IDH3B: variants seen among roughly 807,000 people sequenced by gnomAD.
The protein encoded by IDH3B is isocitrate dehydrogenase [NAD] subunit beta, mitochondrial.
A neutral mutation model predicts 47.5 loss-of-function variants in IDH3B; 40 were observed. The observed-to-expected ratio is 0.84, with a 90% CI of 0.65 to 1.10. The LOEUF (loss-of-function observed/expected upper bound fraction) is 1.10. Ranked by LOEUF, IDH3B falls within the 50% of genes least tolerant of loss-of-function variation. IDH3B has a pLI of 0.00. For synonymous variants in IDH3B, 185 were observed against 191.0 expected, an observed-to-expected ratio of 0.97 and a Z score of 0.26; for missense variants, 450 against 505.2, an observed-to-expected ratio of 0.89 and a Z score of 1.05.
intron 4 of IDH3B, among the ~76,000 whole-genome samples, 167 bp from the exon 5 acceptor site, chr20:2,661,136 TA>T (rs563159181): frequency 3.9e-4 from 59 of 152,134 alleles, no homozygotes; most frequent in African/African-American, 1.4e-3. Flanking sequence ...CAAAAGAGAA[TA>T]ATGTAGTTAA....
rs893774369 is a variant in IDH3B, at chr20:2,659,293, G to C, written c.1071+232C>G. ...AAAGGGCAGTGGATGGAGCAGGAAA[G>C]AGGGAACAGCAGATGGGATCTAAGA... On this transcript the variant is annotated intron_variant, in intron 11 of 11. Transcript: ENST00000380843. 7 of 1,478,990 alleles carry C rather than the reference G, an allele frequency of 4.7e-6. No homozygotes were observed. The African/African-American group carries it at 7.1e-5, about 15-fold the overall frequency. 91.6% of individuals were successfully genotyped at this position (1,478,990 alleles called of 1,614,324 possible).
rs753364431 is a variant in IDH3B at position 2,658,507 on chromosome 20, T to C, written c.*244A>G. ...TCATGGCAAGTAGCATAGCCACCCA[T>C]GTCAGAGGTTCGAACCTGTGGGGGA... is the stretch of plus-strand genomic sequence containing the variant. On this transcript the variant is annotated 3_prime_UTR_variant, in exon 12 of 12. Transcript: ENST00000380843. 7.4e-6 allele frequency: 12 copies of C among 1,613,830 alleles called. No individual in the cohort carries two copies. In the Middle Eastern group the frequency reaches 6.6e-4, roughly 88 times the overall value.
rs1272972666 is a variant in IDH3B, at chr20:2,660,943, T to C, written c.364A>G (p.Lys122Glu). ...ATATCATAGGAGGCTAGCTCCCCCT[T>C]ATACTCCATCGGGGTATGAATCTTT... ...IGKIHTPMEY[K>E]GELASYDMRL... is the part of the protein sequence containing the mutation. The change falls in exon 5 of 12, where the codon AAG (lysine) becomes GAG (glutamate). Residue 122 changes from lysine (K) to glutamate (E), a missense_variant. Physicochemically the swap from Lys to Glu is moderately conservative, Grantham distance 56. Transcript: ENST00000380843. The surrounding 1 kb of genome is among the most constrained non-coding windows in gnomAD (Gnocchi z 5.6). 1.9e-6 allele frequency: 3 copies of C among 1,614,054 alleles called. No individual in the cohort carries two copies. Among genetic ancestry groups the C allele is most frequent in the Non-Finnish European group, 2.5e-6 (3 of 1,179,990 alleles).
chr20:2,660,626 G>A lies in IDH3B; in HGVS notation c.532-36C>T, dbSNP rs368790817. ...AGAAAGCAGCAGCTAGGTGACACTG[G>A]GAAGGGAAACAAGGAGCTCCACCTC... On this transcript the variant is annotated intron_variant, in intron 6 of 11. Transcript: ENST00000380843. The surrounding 1 kb of genome is among the most constrained non-coding windows in gnomAD (Gnocchi z 5.6). 61 of 1,614,048 alleles carry A rather than the reference G, an allele frequency of 3.8e-5. No homozygotes were observed. Among genetic ancestry groups the A allele is most frequent in the Non-Finnish European group, 5.1e-5 (60 of 1,180,006 alleles).
chr20:2,658,829 A>C lies in IDH3B; in HGVS notation c.1080T>G (p.Thr360=), dbSNP rs2146303920. ...TGGTGCTGTAGCCGCCCATGTCTCG[A>C]GTCCGCACCTACAGCCACCACCGGC... is the stretch of plus-strand genomic sequence containing the variant. The part of the protein sequence containing the change: ...KKVIKVGKVR[T]RDMGGYSTTT... Residue 360 remains threonine (T), a synonymous_variant, in exon 12 of 12, where the codon ACT becomes ACG. Coordinates refer to ENST00000380843, the MANE Select transcript of IDH3B (RefSeq NM_006899.5). 1 of 1,614,076 alleles carries C rather than the reference A, an allele frequency of 6.2e-7. No homozygotes were observed. Among genetic ancestry groups the C allele is most frequent in the African/African-American group, 1.3e-5 (1 of 75,000 alleles).
intron 4 of IDH3B, among the ~76,000 whole-genome samples, chr20:2,662,807 G>T (rs963111046): frequency 6.6e-6 from 1 of 152,174 alleles, no homozygotes; most frequent in Non-Finnish European, 1.5e-5. Context: ...ACAAAAATTA[G>T]CCAGGCATGG....
chr20:2,659,699 T>C lies in IDH3B; in HGVS notation c.1010A>G (p.Asn337Ser). 1 of 1,613,972 alleles carries C rather than the reference T, an allele frequency of 6.2e-7. No homozygotes were observed. The highest frequency in any genetic ancestry group is 8.5e-7 in the Non-Finnish European group (1 of 1,179,862). ...LSASNMLRHLNLEYHSSMIAD... is the reference protein window; with the variant it reads ...LSASNMLRHLSLEYHSSMIAD... ...CTGCCGACAGCCTCCCATGACCTAC[T>C]TAAGATGCCGCAGCATGTTGGAAGC... Residue 337 changes from asparagine to serine, a missense_variant and splice_region_variant, in exon 10 of 12, where the codon AAT (asparagine) becomes AGT (serine). Physicochemically the swap from Asn to Ser is conservative, Grantham distance 46. Coordinates refer to ENST00000380843, the MANE Select transcript of IDH3B (RefSeq NM_006899.5).
chr20:2,659,321 C>T (rs1011585817), intron 11 of IDH3B: 54 of 1,535,644 alleles, frequency 3.5e-5, no homozygotes, highest in Non-Finnish European at 4.5e-5. Flanking sequence ...ATCTAAGAGG[C>T]AAAAGAGATC....
rs2086932048 is a variant in IDH3B at position 2,660,796 on chromosome 20, A to G, written c.432T>C (p.His144=). ...RKLDLFANVV[H]VKSLPGYMTR... is the part of the protein sequence containing the mutation. ...TCATATACCCAGGAAGTGACTTCAC[A>G]TGGACTACGTTGGCAAATAAGTCCA... The change falls in exon 6 of 12, where the codon CAT becomes CAC. Residue 144 remains histidine (H), a synonymous_variant. Transcript: ENST00000380843. This position sits in a 1 kb window ranked among gnomAD's most constrained non-coding sequence, Gnocchi z 5.6. 1 of 1,614,042 alleles carries G rather than the reference A, an allele frequency of 6.2e-7. No homozygotes were observed.
chr20:2,663,715 A>G lies in IDH3B; in HGVS notation c.161T>C (p.Leu54Pro), dbSNP rs886056572. The change falls in exon 3 of 12, where the codon CTT becomes CCT. Residue 54 changes from leucine to proline, a missense_variant. By Grantham distance (98) the Leu-to-Pro change is moderately conservative (BLOSUM62 -3). Coordinates refer to ENST00000380843, the MANE Select transcript of IDH3B (RefSeq NM_006899.5). ...RVEGSFPVTM[L>P]PGDGVGPELM... is the part of the protein sequence containing the mutation. Reference sequence around the variant, plus strand: ...CTCAGGCCCCACACCGTCTCCCGGAAGCATGGTCACGGGAAAGGAGCCCTC... The same window carrying G: ...CTCAGGCCCCACACCGTCTCCCGGAGGCATGGTCACGGGAAAGGAGCCCTC... The G allele has an allele frequency of 1.7e-5, 27 of 1,614,208 alleles. No homozygotes were observed. The highest frequency in any genetic ancestry group is 2.3e-5 in the Non-Finnish European group (27 of 1,180,032).
Position 2,660,923 on chromosome 20 carries a change from A to C in IDH3B, c.384T>G (p.Tyr128Ter). 1 of 1,614,134 alleles carries C rather than the reference A, an allele frequency of 6.2e-7. No individual in the cohort carries two copies. Among genetic ancestry groups the C allele is most frequent in the East Asian group, 2.2e-5 (1 of 44,878 alleles). Reference sequence around the variant, plus strand: ...AGACCACCTACCTCAGCCGCATATCATAGGAGGCTAGCTCCCCCTTATACT... The same window carrying C: ...AGACCACCTACCTCAGCCGCATATCCTAGGAGGCTAGCTCCCCCTTATACT... Reference protein sequence around the residue: ...PMEYKGELASYDMRLRRKLDL... With the variant: ...PMEYKGELAS The change falls in exon 5 of 12, where the codon TAT (tyrosine) becomes TAG (stop). Residue 128 changes from tyrosine (Y) to a stop codon, truncating the protein, a stop_gained. Transcript: ENST00000380843. LOFTEE classifies it high-confidence loss of function. This position sits in a 1 kb window ranked among gnomAD's most constrained non-coding sequence, Gnocchi z 5.6.
rs537394446 is a variant in IDH3B, at chr20:2,660,893, C to G, written c.398+16G>C. 7 of 1,614,174 alleles carry G rather than the reference C, an allele frequency of 4.3e-6. 1 individual carries two copies. The East Asian group carries it at 8.9e-5, about 21-fold the overall frequency. ...CCTGGCACCTCTCAACCATTCACCC[C>G]ACCCAGACCACCTACCTCAGCCGCA... On this transcript the variant is annotated intron_variant, in intron 5 of 11. Transcript: ENST00000380843. This position sits in a 1 kb window ranked among gnomAD's most constrained non-coding sequence, Gnocchi z 5.6.
chr20:2,663,414 C>T, intron 4 of IDH3B, 32 bp downstream of exon 4: 1 of 1,613,530 alleles, frequency 6.2e-7, no homozygotes, highest in African/African-American at 1.3e-5. Flanking sequence ...TTTTAAATGG[C>T]ACATGGACAA....
intron 11 of IDH3B, chr20:2,659,301 A>G (rs1483666189): frequency 6.7e-7 from 1 of 1,491,774 alleles, no homozygotes; most frequent in East Asian, 2.4e-5. Flanking sequence ...AAGAGGGAAC[A>G]GCAGATGGGA....
At position 2,658,424 on chromosome 20, in the gene IDH3B, CATGGGTATGGACAGGGCCT is replaced by C; in HGVS notation, c.*308_*326del. On this transcript the variant is annotated 3_prime_UTR_variant, in exon 12 of 12. Transcript: ENST00000380843. ...TTCATGTTCTTTATTGAACACCTTA[CATGGGTATGGACAGGGCCT>C]ATGGGTGGGGCAAGGCAGCAATGAC... The C allele has an allele frequency of 6.2e-7, 1 of 1,613,968 alleles. No individual in the cohort carries two copies. Among genetic ancestry groups the C allele is most frequent in the Non-Finnish European group, 8.5e-7 (1 of 1,179,914 alleles).
rs139768114 is a variant in IDH3B at position 2,663,718 on chromosome 20, A to G, written c.158T>C (p.Met53Thr). The change falls in exon 3 of 12, where the codon ATG (methionine) becomes ACG (threonine). Residue 53 changes from methionine to threonine, a missense_variant. Transcript: ENST00000380843. ...VRVEGSFPVT[M>T]LPGDGVGPEL... ...AGGCCCCACACCGTCTCCCGGAAGC[A>G]TGGTCACGGGAAAGGAGCCCTCCAC... is the stretch of plus-strand genomic sequence containing the variant. 310 of 1,614,044 alleles carry G rather than the reference A, an allele frequency of 1.9e-4. 1 individual carries two copies. Among genetic ancestry groups the G allele is most frequent in the Non-Finnish European group, 2.6e-4 (307 of 1,180,036 alleles).
chr20:2,662,606 G>C (rs964412606), intron 4 of IDH3B, among the ~76,000 whole-genome samples: 1 of 152,138 alleles, frequency 6.6e-6, no homozygotes, highest in Admixed American at 6.5e-5. Flanking sequence ...ATCACTTGAG[G>C]TCAAGAGTTC....
rs760965916 is a variant in IDH3B, at chr20:2,663,592, C to G, written c.217-26G>C. 11 of 1,614,070 alleles carry G rather than the reference C, an allele frequency of 6.8e-6. No homozygotes were observed. The Admixed American group carries it at 1.2e-4, about 17-fold the overall frequency. ...CTTCAGAGACAGGTTCCCAAAACAT[C>G]ACAGTCAAGGCCAAGTCCTTTCCAA... On this transcript the variant is annotated intron_variant, in intron 3 of 11. Transcript: ENST00000380843.
rs746000171 is a variant in IDH3B, at chr20:2,660,233, C to T, written c.768+30G>A. On this transcript the variant is annotated intron_variant, in intron 8 of 11. Transcript: ENST00000380843. The surrounding 1 kb of genome is among the most constrained non-coding windows in gnomAD (Gnocchi z 5.6). ...TCCACTCCCCACCCTCCTCCTCCGC[C>T]CCATGAGTAGAGATGTGGGGAGGCC... The T allele has an allele frequency of 6.2e-7, 1 of 1,613,780 alleles. No homozygotes were observed.
Sources: allele counts gnomAD v4.1 joint callset (sites outside exome capture counted in the v4.1 genomes callset), GRCh38; gene constraint gnomAD v4.1.1; non-coding constraint Gnocchi (gnomAD v3.1); transcripts MANE v1.5; gene names NCBI Gene and HGNC (gene_info 2026-07-23, HGNC 2026-07-21).